The following RELB variants were observed in gnomAD, a reference collection of about 807,000 sequenced individuals.
RELB encodes RELB proto-oncogene, NF-kB subunit, also known as transcription factor RelB.
A neutral mutation model predicts 55.4 loss-of-function variants in RELB; 14 were observed. The ratio of observed to expected loss-of-function variants is 0.25; its 90% CI spans 0.17 to 0.40. The LOEUF (loss-of-function observed/expected upper bound fraction) is 0.40. RELB is among the 10% of genes least tolerant of loss of function. The pLI, the probability that RELB is intolerant of heterozygous loss-of-function variation, is 1.00. For missense variants in RELB, 669 were observed against 830.7 expected (o/e 0.81, Z 2.39); for synonymous variants, 409 against 371.3 (o/e 1.10, Z -1.17).
chr19:45,022,626 C>T (rs1245824783), intron 5 of RELB, among the ~76,000 whole-genome samples: 1 of 150,956 alleles, frequency 6.6e-6, no homozygotes, highest in Non-Finnish European at 1.5e-5. Context: ...CAGCTCACTC[C>T]AACCTCCACC....
At chr19:45,007,842 AG>A (rs1312241404) in intron 2 of RELB, among the ~76,000 whole-genome samples, 1 of 151,514 alleles carries the variant, frequency 6.6e-6, no homozygotes, top group Non-Finnish European at 1.5e-5. Context: ...CCTGGGTGAC[AG>A]AGCAAGACTC....
At chr19:45,004,738 A>G (rs1354891968) in intron 2 of RELB, among the ~76,000 whole-genome samples, 2 of 151,532 alleles carry the variant, frequency 1.3e-5, no homozygotes, top group East Asian at 4.0e-4. Flanking sequence ...GTGGTGGCGC[A>G]TGCCTGTAAT....
intron 4 of RELB, among the ~76,000 whole-genome samples, chr19:45,013,623 G>A (rs34874378): frequency 0.1 from 15,821 of 151,730 alleles, 1,105 homozygotes; most frequent in East Asian, 0.24. Context: ...ACCTGAGGTC[G>A]GGAGTTCGAG....
In RELB at chr19:45,034,260, C is replaced by A; in HGVS notation, c.1224C>A (p.Asp408Glu). The A allele has an allele frequency of 3.1e-6, 5 of 1,613,950 alleles. No homozygotes were observed. Among genetic ancestry groups the A allele is most frequent in the East Asian group, 2.2e-5 (1 of 44,886 alleles). ...LPRDHDSYGVDKKRKRGMPDV... is the reference protein window; with the variant it reads ...LPRDHDSYGVEKKRKRGMPDV... ...CCTTAACAGACAGCTACGGCGTGGA[C>A]AAGAAGCGGAAACGGGGGATGCCCG... The change falls in exon 10 of 12, where the codon GAC becomes GAA. Residue 408 changes from aspartate (D) to glutamate (E), a missense_variant. Physicochemically the swap from Asp to Glu is conservative, Grantham distance 45 (BLOSUM62 2). Around this residue, in one of 3 missense-constraint regions of RELB, gnomAD observed 341 missense variants for 436.8 expected, o/e 0.78. Coordinates refer to ENST00000221452, the MANE Select transcript of RELB (RefSeq NM_006509.4).
chr19:45,029,728 T>C (rs1286150854), intron 8 of RELB, among the ~76,000 whole-genome samples: 2 of 151,952 alleles, frequency 1.3e-5, no homozygotes, highest in Non-Finnish European at 2.9e-5. Context: ...CATACACCTG[T>C]AATCCCAGCT....
At chr19:45,001,721 G>T (rs1015862539) in intron 1 of RELB, 36 bp downstream of exon 1, 1 of 1,378,716 alleles carries the variant, frequency 7.3e-7, no homozygotes, top group Non-Finnish European at 9.8e-7. Context: ...GGGGTCTGGG[G>T]CGGGGCTGGA....
intron 7 of RELB, among the ~76,000 whole-genome samples, chr19:45,027,149 C>T (rs1053894789): frequency 3.3e-5 from 5 of 150,264 alleles, no homozygotes; most frequent in East Asian, 2.0e-4. Context: ...AGGAGAATGG[C>T]GTGAACCCTG....
At chr19:45,008,029 G>A (rs1428858285) in intron 2 of RELB, among the ~76,000 whole-genome samples, 1 of 146,460 alleles carries the variant, frequency 6.8e-6, no homozygotes, top group Non-Finnish European at 1.5e-5. Context: ...AAAAAGCCGG[G>A]TGTGGTGGTG....
At chr19:45,003,942 G>GTTTTTTTTTTTTTTTTTTTTTTTTTTTTT (rs1971250772) in intron 2 of RELB, among the ~76,000 whole-genome samples, 1 of 4,164 alleles carries the variant, frequency 2.4e-4, no homozygotes. Flanking sequence ...TTTTTTTTTT[G>GTTTTTTTTTTTTTTTTTTTTTTTTTTTTT]AGACAGAGTC....
chr19:45,012,453 C>A (rs1361842561), intron 4 of RELB, among the ~76,000 whole-genome samples, 177 bp downstream of exon 4: 1 of 152,030 alleles, frequency 6.6e-6, no homozygotes, highest in Non-Finnish European at 1.5e-5. Flanking sequence ...AAGGAGGGGT[C>A]GGACATTTGG....
At chr19:45,034,633 C>A (rs1971666409) in intron 11 of RELB, 105 bp downstream of exon 11, 2 of 921,270 alleles carry the variant, frequency 2.2e-6, no homozygotes, top group Admixed American at 2.4e-5. Flanking sequence ...AGCCACAAGG[C>A]GAGTCACTCA....
chr19:45,032,201 A>G (rs1168366457), intron 8 of RELB, among the ~76,000 whole-genome samples: 1 of 151,984 alleles, frequency 6.6e-6, no homozygotes, highest in Non-Finnish European at 1.5e-5. Context: ...ATGCCACTGC[A>G]CTTCAGCCTG....
intron 4 of RELB, among the ~76,000 whole-genome samples, chr19:45,016,894 AG>A (rs1354867111): frequency 6.6e-6 from 1 of 152,066 alleles, no homozygotes; most frequent in Non-Finnish European, 1.5e-5. Flanking sequence ...CAGCAACAAT[AG>A]AGCAAGTTTC....
At chr19:45,007,535 T>C (rs1236308711) in intron 2 of RELB, among the ~76,000 whole-genome samples, 1 of 152,046 alleles carries the variant, frequency 6.6e-6, no homozygotes, top group Non-Finnish European at 1.5e-5. Context: ...TCAAATCAAC[T>C]CTATGTGACT....
intron 7 of RELB, among the ~76,000 whole-genome samples, chr19:45,028,371 T>G (rs1292664951): frequency 6.6e-6 from 1 of 152,020 alleles, no homozygotes; most frequent in Non-Finnish European, 1.5e-5. Flanking sequence ...TTTTTTGTTT[T>G]GAGACGGAGT....
At chr19:45,021,058 C>T (rs962524067) in intron 4 of RELB, among the ~76,000 whole-genome samples, 1 of 152,010 alleles carries the variant, frequency 6.6e-6, no homozygotes, top group Non-Finnish European at 1.5e-5. Context: ...GCCTGTAGTC[C>T]CAGCTACTCA....
Position 45,034,266 on chromosome 19 carries a change from G to A in RELB, c.1230G>A (p.Lys410=), listed in dbSNP as rs766899971. 2 of 1,614,016 alleles carry A rather than the reference G, an allele frequency of 1.2e-6. No homozygotes were observed. Among genetic ancestry groups the A allele is most frequent in the Admixed American group, 1.7e-5 (1 of 60,008 alleles). Reference sequence around the variant, plus strand: ...CAGACAGCTACGGCGTGGACAAGAAGCGGAAACGGGGGATGCCCGACGTCC... The same window carrying A: ...CAGACAGCTACGGCGTGGACAAGAAACGGAAACGGGGGATGCCCGACGTCC... ...RDHDSYGVDK[K]RKRGMPDVLG... is the part of the protein sequence containing the mutation. Residue 410 remains lysine, a synonymous_variant, in exon 10 of 12, where the codon AAG becomes AAA. Transcript: ENST00000221452.
intron 4 of RELB, chr19:45,021,772 A>T (rs776187700): frequency 1.1e-4 from 34 of 301,982 alleles, no homozygotes; most frequent in Non-Finnish European, 1.9e-4. Flanking sequence ...ACTGGGTTTC[A>T]CCATGTTAGC....
chr19:45,003,930 T>TG (rs1253250277), intron 2 of RELB, among the ~76,000 whole-genome samples: 12 of 130,228 alleles, frequency 9.2e-5, no homozygotes, highest in Non-Finnish European at 6.5e-5. Context: ...TTTTTTTTTT[T>TG]TTTTTTTTTT....
Sources: allele counts gnomAD v4.1 joint callset (sites outside exome capture counted in the v4.1 genomes callset), GRCh38; gene constraint gnomAD v4.1.1; regional missense constraint gnomAD v4.1.1; transcripts MANE v1.5; gene names NCBI Gene and HGNC (gene_info 2026-07-23, HGNC 2026-07-21).